ANKRD35: variants seen among roughly 807,000 people sequenced by gnomAD.
The protein encoded by ANKRD35 is ankyrin repeat domain 35, also known as ankyrin repeat domain-containing protein 35.
A neutral mutation model predicts 109.9 loss-of-function variants in ANKRD35; 102 were observed. That is an observed-to-expected ratio of 0.93 (90% CI 0.79 to 1.09). The LOEUF (loss-of-function observed/expected upper bound fraction) is 1.09. ANKRD35 is among the 50% of genes least tolerant of loss of function. The pLI is 0.00. For missense variants in ANKRD35, 1,240 were observed against 1,230.1 expected, an observed-to-expected ratio of 1.01 and a Z score of -0.12; for synonymous variants, 515 against 512.4, an observed-to-expected ratio of 1.01 and a Z score of -0.07.
At position 145,869,404 on chromosome 1, in the gene ANKRD35, A is replaced by T. The variant is rs185494101; in HGVS notation, c.2788-1004T>A. Among the ~76,000 whole-genome samples the T allele has an allele frequency of 3.7e-3, 569 of 151,994 alleles. 6 individuals are homozygous for T. Among genetic ancestry groups the T allele is most frequent in the African/African-American group, 0.013 (540 of 41,456 alleles). ...ACTACGTTGGCCAGGCTGGTCTCGA[A>T]CTCCTGACCTCAGGTGATCCGCCCA... On this transcript the variant is annotated intron_variant, in intron 10 of 13. Transcript: ENST00000355594.
intron 10 of ANKRD35, among the ~76,000 whole-genome samples, chr1:145,870,432 T>G (rs901245604): frequency 6.6e-6 from 1 of 152,066 alleles, no homozygotes; most frequent in African/African-American, 2.4e-5. Context: ...TTTAATGCAA[T>G]CTTCACAACC....
chr1:145,883,076 ATTTTTTT>A (rs34686883), intron 1 of ANKRD35, among the ~76,000 whole-genome samples: 3 of 83,428 alleles, frequency 3.6e-5, no homozygotes, highest in African/African-American at 8.3e-5. Context: ...GACAGTACCA[ATTTTTTT>A]TTTTTTTTTT....
chr1:145,876,409 G>T (rs1383107876), intron 6 of ANKRD35, among the ~76,000 whole-genome samples, 160 bp downstream of exon 6: 6 of 152,160 alleles, frequency 3.9e-5, no homozygotes, highest in Non-Finnish European at 8.8e-5. Context: ...AGAAGATAAG[G>T]CTTAACCTCT....
In ANKRD35 at chr1:145,872,060, C is replaced by T; in HGVS notation, c.2709G>A (p.Glu903=). 6.2e-7 allele frequency: 1 copy of T among 1,613,662 alleles called. No homozygotes were observed. ...GCAGCTCTGCCGTTTTCTCAAACTGCTCGGAGCGCCCCCGCATCTCGCTGG... is the reference window on the plus strand; with the variant it reads ...GCAGCTCTGCCGTTTTCTCAAACTGTTCGGAGCGCCCCCGCATCTCGCTGG... The part of the protein sequence containing the change: ...RQASEMRGRS[E]QFEKTAELLK... The change falls in exon 10 of 14, where the codon GAG becomes GAA. Residue 903 remains glutamate (E), a synonymous_variant. Transcript: ENST00000355594.
intron 4 of ANKRD35, among the ~76,000 whole-genome samples, 156 bp from the exon 5 acceptor site, chr1:145,877,029 G>A (rs587654800): frequency 6.6e-6 from 1 of 152,290 alleles, no homozygotes; most frequent in African/African-American, 2.4e-5. Flanking sequence ...TTCATCCATT[G>A]CTGATGATAG....
chr1:145,878,159 G>C, intron 3 of ANKRD35, 127 bp from the exon 4 acceptor site: 1 of 1,020,024 alleles, frequency 9.8e-7, no homozygotes, highest in Non-Finnish European at 1.5e-6. Context: ...GCCACACGGG[G>C]CCAGAAATTC....
chr1:145,876,026 C>G, intron 7 of ANKRD35, 114 bp downstream of exon 7: 1 of 919,506 alleles, frequency 1.1e-6, no homozygotes. Flanking sequence ...ACACAAAGAC[C>G]AACCTGACTT....
Position 145,873,800 on chromosome 1 carries a change from A to G in ANKRD35, c.969T>C (p.Cys323=). 6.2e-7 allele frequency: 1 copy of G among 1,609,010 alleles called. No homozygotes were observed. Among genetic ancestry groups the G allele is most frequent in the Non-Finnish European group, 8.5e-7 (1 of 1,177,486 alleles). The change falls in exon 10 of 14, where the codon TGT becomes TGC. Residue 323 remains cysteine (C), a synonymous_variant. Transcript: ENST00000355594. The part of the protein sequence containing the change: ...EQELVQKTEE[C]KTQAAAYLDL... ...CCAGATAGGCTGCAGCTTGAGTCTT[A>G]CACTCTTCTGTCTTTTGCACCAGCT...
rs200010529 is a variant in ANKRD35, at chr1:145,885,762, C to G, written c.-4G>C. ...AGCAGGAGAAGATACGCTTCATGGC[C>G]GGGGTCGGGGCCACGGGGGATGGGG... On this transcript the variant is annotated 5_prime_UTR_variant, in exon 1 of 14. Transcript: ENST00000355594. 6.2e-7 allele frequency: 1 copy of G among 1,613,600 alleles called. No individual in the cohort carries two copies. Among genetic ancestry groups the G allele is most frequent in the South Asian group, 1.1e-5 (1 of 91,044 alleles).
chr1:145,876,357 C>T, intron 6 of ANKRD35, 111 bp from the exon 7 acceptor site: 1 of 1,214,256 alleles, frequency 8.2e-7, no homozygotes, highest in Non-Finnish European at 1.2e-6. Flanking sequence ...AAGCCCAGAT[C>T]TTGGGTCTGA....
chr1:145,870,374 G>A (rs1043255005), intron 10 of ANKRD35, among the ~76,000 whole-genome samples: 15 of 152,096 alleles, frequency 9.9e-5, no homozygotes, highest in African/African-American at 3.1e-4. Flanking sequence ...TTACAGTCAT[G>A]AGCCACCGCA....
At position 145,878,365 on chromosome 1, in the gene ANKRD35, G is replaced by A. The variant is rs187669707; in HGVS notation, c.259+26C>T. The A allele has an allele frequency of 1.1e-3, 1,780 of 1,553,184 alleles. 8 individuals are homozygous for A. The highest frequency in any genetic ancestry group is 7.7e-4 in the Non-Finnish European group (888 of 1,146,750). On this transcript the variant is annotated intron_variant, in intron 3 of 13. Coordinates refer to ENST00000355594, the MANE Select transcript of ANKRD35 (RefSeq NM_144698.5). ...GCTGTACCAGGGGCAAGCAAGCAGCGTGGCCCAGTGCTCCGGCTCACTCAC... is the reference window on the plus strand; with the variant it reads ...GCTGTACCAGGGGCAAGCAAGCAGCATGGCCCAGTGCTCCGGCTCACTCAC...
rs1653853690 is a variant in ANKRD35 at position 145,872,207 on chromosome 1, C to G, written c.2562G>C (p.Lys854Asn). ...CCGTATTATACTTTTCCAACAGAGC[C>G]TTTAGCTCCTGGCCCCAAGCCTGAG... is the stretch of plus-strand genomic sequence containing the variant. The part of the protein sequence containing the change: ...AQAQAWGQEL[K>N]ALLEKYNTAC... Residue 854 changes from lysine (K) to asparagine (N), a missense_variant, in exon 10 of 14, where the codon AAG (lysine) becomes AAC (asparagine). Coordinates refer to ENST00000355594, the MANE Select transcript of ANKRD35 (RefSeq NM_144698.5). The G allele has an allele frequency of 4.3e-6, 7 of 1,609,898 alleles. No individual in the cohort carries two copies. Among genetic ancestry groups the G allele is most frequent in the Non-Finnish European group, 5.9e-6 (7 of 1,178,464 alleles).
chr1:145,868,250 T>C (rs1410775695), intron 11 of ANKRD35, 61 bp downstream of exon 11: 2 of 1,549,988 alleles, frequency 1.3e-6, no homozygotes, highest in Non-Finnish European at 1.8e-6. Flanking sequence ...GTCTCCCACA[T>C]ATACATCACT....
At chr1:145,874,514 A>G (rs1553739674) in intron 8 of ANKRD35, among the ~76,000 whole-genome samples, 1 of 152,218 alleles carries the variant, frequency 6.6e-6, no homozygotes, top group Non-Finnish European at 1.5e-5. Context: ...GGGGGTTACA[A>G]TCTGGTAGAG....
intron 8 of ANKRD35, 65 bp from the exon 9 acceptor site, chr1:145,874,257 C>T (rs1559174488): frequency 6.4e-7 from 1 of 1,559,840 alleles, no homozygotes; most frequent in Non-Finnish European, 8.8e-7. Context: ...AGCCCACATT[C>T]TTATCTTCAG....
rs1653918572 is a variant in ANKRD35, at chr1:145,873,237, C to T, written c.1532G>A (p.Gly511Glu). 1 of 1,614,206 alleles carries T rather than the reference C, an allele frequency of 6.2e-7. No individual in the cohort carries two copies. The highest frequency in any genetic ancestry group is 8.5e-7 in the Non-Finnish European group (1 of 1,180,036). Residue 511 changes from glycine to glutamate, a missense_variant, in exon 10 of 14, where the codon GGG becomes GAG. Transcript: ENST00000355594. The stretch of plus-strand genomic sequence containing the variant: ...CTCCATGACCGGTCTTGACAAAGCC[C>T]CCCGGGCAGCATCCTTTTCTCGCCA... ...AVWREKDAAR[G>E]ALSRPVMEGA... is the part of the protein sequence containing the mutation.
At chr1:145,868,865 C>A (rs587642873) in intron 10 of ANKRD35, among the ~76,000 whole-genome samples, 1 of 152,324 alleles carries the variant, frequency 6.6e-6, no homozygotes, top group East Asian at 1.9e-4. Context: ...CTTACCAGTT[C>A]TGAATTGGAA....
At chr1:145,883,247 G>A (rs113543311) in intron 1 of ANKRD35, among the ~76,000 whole-genome samples, 5,960 of 152,086 alleles carry the variant, frequency 0.039, 431 homozygotes, top group African/African-American at 0.14. Context: ...ACCACACCCG[G>A]CTAATTTTTG....
Sources: gnomAD v4.1 joint callset for allele counts (sites outside exome capture counted in the v4.1 genomes callset) on GRCh38, gnomAD v4.1.1 for gene constraint, MANE v1.5 for transcripts, NCBI Gene and HGNC (gene_info 2026-07-23, HGNC 2026-07-21) for gene names.